Variants in COPS2 observed in about 807,000 individuals in gnomAD.
COPS2 encodes COP9 signalosome complex subunit 2.
In COPS2, 10 loss-of-function variants were observed where a neutral mutation model predicts 66.1. The observed-to-expected ratio is 0.15, with a 90% CI of 0.09 to 0.26. The LOEUF (loss-of-function observed/expected upper bound fraction) is 0.26. COPS2 is among the 10% of genes least tolerant of loss of function. The pLI, the probability that COPS2 is intolerant of heterozygous loss-of-function variation, is 1.00. For missense variants in COPS2, 215 were observed against 513.3 expected, an observed-to-expected ratio of 0.42 and a Z score of 5.62; for synonymous variants, 179 against 171.3, an observed-to-expected ratio of 1.04 and a Z score of -0.35.
At chr15:49,131,566 G>A (rs1243822938) in intron 9 of COPS2, among the ~76,000 whole-genome samples, 6 of 151,900 alleles carry the variant, frequency 3.9e-5, no homozygotes, top group African/African-American at 1.5e-4. Flanking sequence ...CCCTCTGCTA[G>A]TGCTTCCATC....
chr15:49,129,322 G>T (rs1899752268), intron 11 of COPS2, among the ~76,000 whole-genome samples, 155 bp downstream of exon 11: 3 of 150,846 alleles, frequency 2.0e-5, no homozygotes, highest in South Asian at 2.1e-4. Flanking sequence ...AAAAAAAAAT[G>T]ATTAAAAGTA....
intron 1 of COPS2, among the ~76,000 whole-genome samples, chr15:49,146,968 T>G (rs1595825495): frequency 1.3e-5 from 2 of 152,036 alleles, no homozygotes; most frequent in East Asian, 1.9e-4. Context: ...CCCACTTTTA[T>G]GTGCTATTTC....
At chr15:49,149,495 A>G (rs1031700393) in intron 1 of COPS2, among the ~76,000 whole-genome samples, 1 of 152,182 alleles carries the variant, frequency 6.6e-6, no homozygotes, top group Non-Finnish European at 1.5e-5. Context: ...AACAGTCCAA[A>G]TTGTGAACTT....
intron 9 of COPS2, among the ~76,000 whole-genome samples, chr15:49,133,085 T>A (rs529709602): frequency 6.7e-6 from 1 of 149,318 alleles, no homozygotes; most frequent in Non-Finnish European, 1.5e-5. Flanking sequence ...GCCTCCCGGG[T>A]TCATGCCATT....
intron 10 of COPS2, among the ~76,000 whole-genome samples, chr15:49,129,910 A>G (rs1431337862): frequency 6.6e-6 from 1 of 152,152 alleles, no homozygotes; most frequent in African/African-American, 2.4e-5. Context: ...GACTCTCTCA[A>G]AACCTAGAGT....
Position 49,125,472 on chromosome 15 carries a change from T to C in COPS2, c.*2478A>G, listed in dbSNP as rs1196672963. 38 of 152,094 alleles carry C rather than the reference T, an allele frequency of 2.5e-4. No homozygotes were observed. The highest frequency in any genetic ancestry group is 2.5e-3 in the Admixed American group (38 of 15,272). The allele number at this position is 152,094 out of a possible 1,614,324, so 9.4% of individuals were successfully genotyped here. ...AATATGATGTAAACCACTGGTATGG[T>C]TTTCACAAAAGTGGAAAAGATTTAA... On this transcript the variant is annotated 3_prime_UTR_variant, in exon 13 of 13. Transcript: ENST00000388901.
chr15:49,139,502 C>T (rs1268214204), intron 4 of COPS2, 26 bp downstream of exon 4: 13 of 1,566,920 alleles, frequency 8.3e-6, no homozygotes, highest in Non-Finnish European at 1.1e-5. Context: ...CACTGATCGT[C>T]CCAAGAGGGG....
At chr15:49,139,057 C>T (rs2084272578) in intron 4 of COPS2, among the ~76,000 whole-genome samples, 2 of 152,156 alleles carry the variant, frequency 1.3e-5, no homozygotes, top group African/African-American at 4.8e-5. Context: ...CTTTCATTAT[C>T]CACCCATCCT....
chr15:49,147,235 TAGAGG>T (rs969849491), intron 1 of COPS2, among the ~76,000 whole-genome samples: 2 of 152,162 alleles, frequency 1.3e-5, no homozygotes, highest in Non-Finnish European at 2.9e-5. Context: ...TTGAATAAGA[TAGAGG>T]AATAGCTTGC....
intron 3 of COPS2, among the ~76,000 whole-genome samples, chr15:49,141,326 G>A (rs146555458): frequency 1.7e-3 from 258 of 152,050 alleles, no homozygotes; most frequent in African/African-American, 6.0e-3. Flanking sequence ...GTGAAACCCC[G>A]TCTTTACAAA....
chr15:49,150,360 T>C (rs2084351455), intron 1 of COPS2, among the ~76,000 whole-genome samples: 1 of 152,082 alleles, frequency 6.6e-6, no homozygotes, highest in Non-Finnish European at 1.5e-5. Flanking sequence ...ATTGGGATAA[T>C]ATGGATTATA....
chr15:49,134,528 TA>T lies in COPS2; in HGVS notation c.541-15del, dbSNP rs2084236623. ...TCCATCATCAGTCTAGGAAAGCAAA[TA>T]TTTAACTTTAGACAAGATAGAATTC... On this transcript the variant is annotated splice_polypyrimidine_tract_variant and intron_variant, in intron 6 of 12. Coordinates refer to ENST00000388901, the MANE Select transcript of COPS2 (RefSeq NM_004236.4). The T allele has an allele frequency of 6.3e-7, 1 of 1,589,230 alleles. No individual in the cohort carries two copies. Among genetic ancestry groups the T allele is most frequent in the African/African-American group, 1.4e-5 (1 of 74,004 alleles).
chr15:49,133,642 T>C, intron 9 of COPS2, 117 bp downstream of exon 9: 2 of 646,312 alleles, frequency 3.1e-6, no homozygotes, highest in Non-Finnish European at 5.2e-6. Context: ...CAAACTTTTC[T>C]AAGAAAATAC....
intron 3 of COPS2, 107 bp from the exon 4 acceptor site, chr15:49,139,760 A>G: frequency 5.3e-6 from 4 of 754,730 alleles, no homozygotes; most frequent in Non-Finnish European, 8.4e-6. Flanking sequence ...TGTAGTTCAT[A>G]TAGTTCCTGA....
intron 6 of COPS2, among the ~76,000 whole-genome samples, chr15:49,136,156 A>G (rs2084249770): frequency 6.6e-6 from 1 of 152,218 alleles, no homozygotes; most frequent in African/African-American, 2.4e-5. Flanking sequence ...AATGACACAT[A>G]TATCATTAAA....
At chr15:49,144,530 G>C (rs1428321655) in intron 2 of COPS2, among the ~76,000 whole-genome samples, 1 of 150,810 alleles carries the variant, frequency 6.6e-6, no homozygotes, top group African/African-American at 2.5e-5. Flanking sequence ...GCAAAATAAA[G>C]AGCCACTTCT....
At chr15:49,134,848 C>T (rs977735118) in intron 6 of COPS2, among the ~76,000 whole-genome samples, 4 of 151,982 alleles carry the variant, frequency 2.6e-5, no homozygotes, top group Non-Finnish European at 4.4e-5. Context: ...AGTAAGTCCT[C>T]GTTTAACACT....
chr15:49,132,511 T>C (rs868532902), intron 9 of COPS2, among the ~76,000 whole-genome samples: 6 of 148,480 alleles, frequency 4.0e-5, no homozygotes, highest in Non-Finnish European at 1.5e-5. Flanking sequence ...GTGTTTTCTG[T>C]TAAATGAAAA....
chr15:49,134,584 G>C lies in COPS2; in HGVS notation c.541-70C>G, dbSNP rs1420127787. 4 of 1,209,232 alleles carry C rather than the reference G, an allele frequency of 3.3e-6. No homozygotes were observed. The African/African-American group carries it at 6.1e-5, about 18-fold the overall frequency. The allele number at this position is 1,209,232 out of a possible 1,614,324, so 74.9% of individuals were successfully genotyped here. A position where few individuals can be genotyped will look rare whatever the true frequency, so the allele number is the denominator to read the frequency against. ...AGTAATTCTTATTTGCATTAGCCTG[G>C]AAATCTTACATTTATAATACTATTT... is the stretch of plus-strand genomic sequence containing the variant. On this transcript the variant is annotated intron_variant, in intron 6 of 12. Transcript: ENST00000388901.
Sources: gnomAD v4.1 joint callset for allele counts (sites outside exome capture counted in the v4.1 genomes callset) on GRCh38, gnomAD v4.1.1 for gene constraint, MANE v1.5 for transcripts, NCBI Gene and HGNC (gene_info 2026-07-23, HGNC 2026-07-21) for gene names.